PXMP2: variants seen among roughly 807,000 people sequenced by gnomAD.
The protein encoded by PXMP2 is peroxisomal membrane protein 2.
A neutral mutation model predicts 20.2 loss-of-function variants in PXMP2; 13 were observed. The observed-to-expected ratio is 0.64, with a 90% CI of 0.42 to 1.02. PXMP2 has a LOEUF of 1.02. Among genes scored for constraint, PXMP2 ranks in the 50% least tolerant of loss-of-function variants. The pLI is 0.00. For missense variants in PXMP2, 284 were observed against 251.8 expected (o/e 1.13, Z -0.87); for synonymous variants, 113 against 111.2 (o/e 1.02, Z -0.10).
chr12:132,696,420 C>G lies in PXMP2; in HGVS notation c.399+374C>G, dbSNP rs1182731537. On this transcript the variant is annotated intron_variant, in intron 3 of 4. Coordinates refer to ENST00000317479, the MANE Select transcript of PXMP2 (RefSeq NM_018663.3). The surrounding 1 kb of genome is among the most constrained non-coding windows in gnomAD (Gnocchi z 4.4). ...CCCAGCTAATCAGATATTTTTATAT[C>G]ACATCAGTTGTTACAGATATCTCGA... is the stretch of plus-strand genomic sequence containing the variant. Among the ~76,000 whole-genome samples, 1 of 152,040 alleles carries G rather than the reference C, an allele frequency of 6.6e-6. No individual in the cohort carries two copies. Among genetic ancestry groups the G allele is most frequent in the Non-Finnish European group, 1.5e-5 (1 of 68,026 alleles).
rs147472727 is a variant in PXMP2 at position 132,695,342 on chromosome 12, G to T, written c.237-542G>T. The stretch of plus-strand genomic sequence containing the variant: ...GTGAGTGCCCTTGCCAGTTAACCTA[G>T]TGAGTTCCCTTGCCAGTTAGCCTAG... On this transcript the variant is annotated intron_variant, in intron 2 of 4. Coordinates refer to ENST00000317479, the MANE Select transcript of PXMP2 (RefSeq NM_018663.3). Among the ~76,000 whole-genome samples the T allele has an allele frequency of 9.3e-4, 142 of 152,292 alleles. 1 individual carries two copies. The highest frequency in any genetic ancestry group is 6.8e-3 in the Middle Eastern group (2 of 294).
At chr12:132,698,120 C>A (rs981117667) in intron 3 of PXMP2, among the ~76,000 whole-genome samples, 1 of 151,666 alleles carries the variant, frequency 6.6e-6, no homozygotes, top group Admixed American at 6.6e-5. Context: ...AAGCAATTCT[C>A]TGCCTCAGCC....
chr12:132,697,596 T>TG (rs1473548613), intron 3 of PXMP2, among the ~76,000 whole-genome samples: 4 of 151,900 alleles, frequency 2.6e-5, no homozygotes, highest in Non-Finnish European at 5.9e-5. Context: ...TTAGTAGAGA[T>TG]GGGGTTTCAC....
Position 132,687,661 on chromosome 12 carries a change from T to C in PXMP2, c.-10T>C. 8 of 1,167,348 alleles carry C rather than the reference T, an allele frequency of 6.9e-6. No homozygotes were observed. The highest frequency in any genetic ancestry group is 8.4e-6 in the Non-Finnish European group (8 of 950,624). The allele number at this position is 1,167,348 out of a possible 1,614,324, so 72.3% of individuals were successfully genotyped here. A position where few individuals can be genotyped will look rare whatever the true frequency, so the allele number is the denominator to read the frequency against. ...GTCGGTGCCCCCGGCGGCACGGCGC[T>C]GGGGAGGCGATGGCGCCGGCCGCGT... is the stretch of plus-strand genomic sequence containing the variant. On this transcript the variant is annotated 5_prime_UTR_variant, in exon 1 of 5. Coordinates refer to ENST00000317479, the MANE Select transcript of PXMP2 (RefSeq NM_018663.3).
intron 1 of PXMP2, 146 bp from the exon 2 acceptor site, chr12:132,690,117 A>G: frequency 1.6e-6 from 1 of 639,072 alleles, no homozygotes. Context: ...TGATACAAGA[A>G]CTATACATTG....
rs1353721774 is a variant in PXMP2, at chr12:132,692,524, CAGTT to C, written c.236+2156_236+2159del. Reference sequence around the variant, plus strand: ...CCAGTTAGTTAGTGAGCTCCCTTGCCAGTTAGTTAGTGAGCGCCCTTGCCAGTTA... The same window carrying C: ...CCAGTTAGTTAGTGAGCTCCCTTGCCAGTTAGTGAGCGCCCTTGCCAGTTA... On this transcript the variant is annotated intron_variant, in intron 2 of 4. Coordinates refer to ENST00000317479, the MANE Select transcript of PXMP2 (RefSeq NM_018663.3). 1.3e-4 allele frequency among the ~76,000 whole-genome samples: 14 copies of C among 106,160 alleles called. 3 individuals carry two copies. The highest frequency in any genetic ancestry group is 9.1e-4 in the South Asian group (3 of 3,292). The allele number at this position is 106,160 out of a possible 152,430, so 69.6% of individuals were successfully genotyped here.
intron 1 of PXMP2, 106 bp downstream of exon 1, chr12:132,687,898 C>T (rs2043318179): frequency 5.9e-6 from 6 of 1,020,092 alleles, no homozygotes; most frequent in Non-Finnish European, 7.2e-6. Context: ...GGGGCGCGCC[C>T]GGGTCAGAAC....
chr12:132,700,041 CCTTTT>C (rs1299862109), intron 3 of PXMP2, among the ~76,000 whole-genome samples: 1 of 140,234 alleles, frequency 7.1e-6, no homozygotes, highest in Non-Finnish European at 1.6e-5. Flanking sequence ...TGTTTTTTGA[CCTTTT>C]TTTTTTTTTT....
chr12:132,698,284 A>G (rs143137861), intron 3 of PXMP2, among the ~76,000 whole-genome samples: 2,220 of 152,328 alleles, frequency 0.015, 49 homozygotes, highest in African/African-American at 0.051. Flanking sequence ...TGCTAGGATT[A>G]CAGGTGTGAG....
At position 132,701,289 on chromosome 12, in the gene PXMP2, G is replaced by C. The variant is rs375865786; in HGVS notation, c.439G>C (p.Gly147Arg). 10 of 1,612,778 alleles carry C rather than the reference G, an allele frequency of 6.2e-6. No individual in the cohort carries two copies. The highest frequency in any genetic ancestry group is 2.2e-5 in the East Asian group (1 of 44,764). The change falls in exon 4 of 5, where the codon GGC (glycine) becomes CGC (arginine). Residue 147 changes from glycine to arginine, a missense_variant. Coordinates refer to ENST00000317479, the MANE Select transcript of PXMP2 (RefSeq NM_018663.3). ...AGCCTTCGCCGCCAAGATGAGGGGG[G>C]GCTTCTGGCCGGCGCTGAGGATGAA... ...ASAFAAKMRG[G>R]FWPALRMNWR... is the part of the protein sequence containing the mutation.
intron 4 of PXMP2, among the ~76,000 whole-genome samples, chr12:132,703,502 C>T (rs2043454208): frequency 1.3e-5 from 2 of 152,100 alleles, no homozygotes. Context: ...TGGACAGAGG[C>T]CCTGCCCTCT....
At chr12:132,695,788 G>C in intron 2 of PXMP2, 96 bp from the exon 3 acceptor site, 2 of 1,324,428 alleles carry the variant, frequency 1.5e-6, no homozygotes, top group South Asian at 3.1e-5. Context: ...ACATCAGGAA[G>C]CAGGGGTTAG....
chr12:132,694,786 T>TA (rs1485958069), intron 2 of PXMP2, among the ~76,000 whole-genome samples: 2 of 141,790 alleles, frequency 1.4e-5, no homozygotes, highest in South Asian at 2.3e-4. Flanking sequence ...GCCAGTTAGT[T>TA]AGTGAGCGCC....
At chr12:132,701,966 T>C (rs1338501917) in intron 4 of PXMP2, among the ~76,000 whole-genome samples, 2 of 152,216 alleles carry the variant, frequency 1.3e-5, no homozygotes, top group East Asian at 3.9e-4. Context: ...GGCAGGTGCC[T>C]GTAGTCCCAG....
rs1269225100 is a variant in PXMP2, at chr12:132,696,236, T to C, written c.399+190T>C. 6.6e-6 allele frequency among the ~76,000 whole-genome samples: 1 copy of C among 152,034 alleles called. No homozygotes were observed. The highest frequency in any genetic ancestry group is 3.2e-3 in the Middle Eastern group (1 of 316). ...CTGTTTGTACCCAGTAGAGTCACTT[T>C]ATTTATTTATTTATTTAAAGACAGG... On this transcript the variant is annotated intron_variant, in intron 3 of 4. Coordinates refer to ENST00000317479, the MANE Select transcript of PXMP2 (RefSeq NM_018663.3). The surrounding 1 kb of genome is among the most constrained non-coding windows in gnomAD (Gnocchi z 4.4).
chr12:132,699,175 C>T (rs2043425412), intron 3 of PXMP2, among the ~76,000 whole-genome samples: 1 of 152,124 alleles, frequency 6.6e-6, no homozygotes, highest in South Asian at 2.1e-4. Context: ...TGAGTGAGAA[C>T]ATCGGCTGAG....
intron 3 of PXMP2, among the ~76,000 whole-genome samples, chr12:132,697,560 A>G: frequency 6.6e-6 from 1 of 151,764 alleles, no homozygotes; most frequent in East Asian, 2.0e-4. Context: ...GGAGCCCGCT[A>G]CCACACCCAG....
In PXMP2 at chr12:132,687,604, T is replaced by G. The variant is rs2043310442; in HGVS notation, c.-67T>G. On this transcript the variant is annotated 5_prime_UTR_variant, in exon 1 of 5. Coordinates refer to ENST00000317479, the MANE Select transcript of PXMP2 (RefSeq NM_018663.3). ...CGGTCCCCACTCCGCTCTCGGCGCC[T>G]CGGGCTCCGCGCCCGGCCAGCCTGA... 1 of 1,165,498 alleles carries G rather than the reference T, an allele frequency of 8.6e-7. No individual in the cohort carries two copies. Among genetic ancestry groups the G allele is most frequent in the South Asian group, 4.3e-5 (1 of 23,376 alleles). The allele number at this position is 1,165,498 out of a possible 1,614,324, so 72.2% of individuals were successfully genotyped here.
rs1356350374 is a variant in PXMP2 at position 132,704,749 on chromosome 12, C to T, written c.*62C>T. ...GGGTCTGGGGGTCTCACCCGCCCAG[C>T]GAGAGCAGAACCAATCCAGTCAGGA... is the stretch of plus-strand genomic sequence containing the variant. On this transcript the variant is annotated 3_prime_UTR_variant, in exon 5 of 5. Transcript: ENST00000317479. The T allele has an allele frequency of 1.4e-5, 21 of 1,500,844 alleles. No individual in the cohort carries two copies. The highest frequency in any genetic ancestry group is 1.7e-5 in the Admixed American group (1 of 57,502). 93.0% of individuals were successfully genotyped at this position (1,500,844 alleles called of 1,614,324 possible).
Sources: gnomAD v4.1 joint callset for allele counts (sites outside exome capture counted in the v4.1 genomes callset) on GRCh38, gnomAD v4.1.1 for gene constraint, Gnocchi (gnomAD v3.1) non-coding constraint, MANE v1.5 for transcripts, NCBI Gene and HGNC (gene_info 2026-07-23, HGNC 2026-07-21) for gene names.